SPIN3: variants seen among roughly 807,000 people sequenced by gnomAD.
SPIN3 encodes spindlin family member 3.
For missense variants in SPIN3, 176 were observed against 196.4 expected (o/e 0.90, Z 0.62); for synonymous variants, 74 against 74.3 (o/e 1.00, Z 0.02).
intron 3 of SPIN3, chrX:56,980,084 C>A (rs985632360): frequency 9.0e-6 from 1 of 111,705 alleles, no homozygotes; most frequent in Non-Finnish European, 1.9e-5. Flanking sequence ...TCTGGTTCCA[C>A]CTGACAGACC....
chrX:56,985,205 C>T (rs980251718), intron 2 of SPIN3, among the ~76,000 whole-genome samples: 1 of 112,228 alleles, frequency 8.9e-6, no homozygotes, highest in African/African-American at 3.2e-5. Flanking sequence ...CTTTATAGCC[C>T]GTCCTTAAAA....
In SPIN3 at chrX:56,994,655, A is replaced by C; in HGVS notation, c.293T>G (p.Leu98Arg). The C allele has an allele frequency of 1.7e-6, 2 of 1,212,013 alleles. No individual in the cohort carries two copies. Among genetic ancestry groups the C allele is most frequent in the Non-Finnish European group, 2.2e-6 (2 of 895,587 alleles). The change falls in exon 2 of 2, where the codon CTT (leucine) becomes CGT (arginine). Residue 98 changes from leucine to arginine, a missense_variant. By Grantham distance (102) the Leu-to-Arg change is moderately radical. Coordinates refer to ENST00000374919, the MANE Select transcript of SPIN3 (RefSeq NM_001010862.3). ...DGFDCVYGLE[L>R]HRDERVSSLE... The stretch of plus-strand genomic sequence containing the variant: ...TGATGACACTCTTTCATCTCTGTGA[A>C]GTTCCAATCCATAAACACAGTCAAA...
chrX:56,990,509 AT>A (rs1276114853), downstream of SPIN3, among the ~76,000 whole-genome samples: 7 of 111,913 alleles, frequency 6.3e-5, no homozygotes, highest in East Asian at 2.8e-4. Flanking sequence ...ACAGAAAAAA[AT>A]AATTGTTCAT....
exon 5 of SPIN3, chrX:56,978,392 A>G (rs1244643499): frequency 1.8e-5 from 2 of 111,932 alleles, no homozygotes; most frequent in African/African-American, 6.5e-5. Flanking sequence ...AGATGCTATA[A>G]ACACTTCCAG....
chrX:56,993,909 A>T lies in SPIN3; in HGVS notation c.*262T>A, dbSNP rs978823766. 3 of 281,803 alleles carry T rather than the reference A, an allele frequency of 1.1e-5. No individual in the cohort carries two copies. Among genetic ancestry groups the T allele is most frequent in the Non-Finnish European group, 1.8e-5 (3 of 162,853 alleles). 23.2% of individuals were successfully genotyped at this position (281,803 alleles called of 1,213,427 possible). On this transcript the variant is annotated 3_prime_UTR_variant, in exon 2 of 2. Transcript: ENST00000374919. ...TTAATCTATTAACACCACCCAAGAT[A>T]AAAAAAAGTATGAGCCAATGGATGT...
At chrX:56,985,517 T>C (rs1924205814) in intron 2 of SPIN3, among the ~76,000 whole-genome samples, 1 of 112,503 alleles carries the variant, frequency 8.9e-6, no homozygotes, top group African/African-American at 3.2e-5. Context: ...GTGGGTGTGG[T>C]TGACACTGTA....
intron 2 of SPIN3, among the ~76,000 whole-genome samples, chrX:56,985,226 A>G (rs1924198913): frequency 2.7e-5 from 3 of 111,911 alleles, no homozygotes; most frequent in Non-Finnish European, 5.6e-5. Context: ...CAGCAGAGAG[A>G]TTTTTTTAGA....
At chrX:56,986,697 A>G (rs757830963), downstream of SPIN3, among the ~76,000 whole-genome samples, 1 of 112,644 alleles carries the variant, frequency 8.9e-6, no homozygotes, top group African/African-American at 3.2e-5. Flanking sequence ...AGGTATACAC[A>G]TTCATTACAT....
Position 56,992,264 on chromosome X carries a change from TA to T in SPIN3, c.*1906del. The stretch of plus-strand genomic sequence containing the variant: ...TAACCCCACAATTGCATGTCATACA[TA>T]TTAAAGAGTCCAAAGGGTCAAGAAG... On this transcript the variant is annotated 3_prime_UTR_variant, in exon 2 of 2. Transcript: ENST00000374919. 3.4e-6 allele frequency: 1 copy of T among 297,018 alleles called. No homozygotes were observed. Among genetic ancestry groups the T allele is most frequent in the Non-Finnish European group, 5.9e-6 (1 of 170,264 alleles). The allele number at this position is 297,018 out of a possible 1,213,427, so 24.5% of individuals were successfully genotyped here.
Position 56,993,784 on chromosome X carries a change from T to G in SPIN3, c.*387A>C, listed in dbSNP as rs1924409711. 8.3e-6 allele frequency: 1 copy of G among 121,120 alleles called. No individual in the cohort carries two copies. Among genetic ancestry groups the G allele is most frequent in the Non-Finnish European group, 1.7e-5 (1 of 60,153 alleles). 10.0% of individuals were successfully genotyped at this position (121,120 alleles called of 1,213,427 possible). On this transcript the variant is annotated 3_prime_UTR_variant, in exon 2 of 2. Coordinates refer to ENST00000374919, the MANE Select transcript of SPIN3 (RefSeq NM_001010862.3). ...GGAGATTTGAGATTGCAAAGACACT[T>G]ACCCAGCCAGTCACATGGGATATCT...
chrX:56,978,970 T>C (rs1324513296), intron 3 of SPIN3: 2 of 111,351 alleles, frequency 1.8e-5, no homozygotes, highest in Non-Finnish European at 3.8e-5. Context: ...TTTTAAAGCA[T>C]GCATCTGATC....
intron 3 of SPIN3, chrX:56,983,057 A>G (rs1924152053): frequency 8.9e-6 from 1 of 112,265 alleles, no homozygotes; most frequent in Admixed American, 9.5e-5. Flanking sequence ...GGTGGTCTTC[A>G]TTCCAGGCAA....
At chrX:56,990,155 T>C (rs183177988), downstream of SPIN3, among the ~76,000 whole-genome samples, 2 of 111,226 alleles carry the variant, frequency 1.8e-5, no homozygotes, top group African/African-American at 3.3e-5. Flanking sequence ...GAATACATCA[T>C]AGGACACAGG....
chrX:56,995,180 G>C (rs1924464163), intron 1 of SPIN3, 36 bp downstream of exon 1: 3 of 361,696 alleles, frequency 8.3e-6, no homozygotes, highest in Admixed American at 1.0e-4. Flanking sequence ...AATACGAAGC[G>C]TTTCCCCATT....
At chrX:56,980,952 C>G (rs1299063253) in intron 3 of SPIN3, among the ~76,000 whole-genome samples, 1 of 109,576 alleles carries the variant, frequency 9.1e-6, no homozygotes, top group African/African-American at 3.3e-5. Context: ...TAAAAAGAAA[C>G]ATATTAGTTA....
At chrX:56,995,016 G>T in intron 1 of SPIN3, 67 bp from the exon 2 acceptor site, 1 of 1,055,499 alleles carries the variant, frequency 9.5e-7, no homozygotes, top group Non-Finnish European at 1.2e-6. Context: ...TGCATAACAC[G>T]GAGAGCTTTT....
rs956490854 is a variant in SPIN3, at chrX:56,992,820, T to G, written c.*1351A>C. 1 of 239,302 alleles carries G rather than the reference T, an allele frequency of 4.2e-6. No individual in the cohort carries two copies. The highest frequency in any genetic ancestry group is 2.8e-5 in the African/African-American group (1 of 35,108). 19.7% of individuals were successfully genotyped at this position (239,302 alleles called of 1,213,427 possible). On this transcript the variant is annotated 3_prime_UTR_variant, in exon 2 of 2. Transcript: ENST00000374919. ...ACCTCCGCCAATGGCTCTTTAATAA[T>G]GGAAAGCTCAAAGGCCCTTCCATTG...
chrX:56,987,483 GTTC>G (rs1487886776), downstream of SPIN3, among the ~76,000 whole-genome samples: 1 of 110,936 alleles, frequency 9.0e-6, no homozygotes, highest in African/African-American at 3.3e-5. Context: ...CTGCTTTTTT[GTTC>G]TTCATACAAC....
rs938805615 is a variant in SPIN3, at chrX:56,992,631, C to T, written c.*1540G>A. The T allele has an allele frequency of 3.7e-5, 11 of 294,219 alleles. No individual in the cohort carries two copies. Among genetic ancestry groups the T allele is most frequent in the Non-Finnish European group, 5.9e-5 (10 of 169,203 alleles). The allele number at this position is 294,219 out of a possible 1,213,427, so 24.2% of individuals were successfully genotyped here. ...GTACAGTCCCAATATGATTGTACTG[C>T]CTTGAGTCCCAGCCCCAAATGTGCA... On this transcript the variant is annotated 3_prime_UTR_variant, in exon 2 of 2. Coordinates refer to ENST00000374919, the MANE Select transcript of SPIN3 (RefSeq NM_001010862.3).
Sources: gnomAD v4.1 joint callset for allele counts (sites outside exome capture counted in the v4.1 genomes callset) on GRCh38, gnomAD v4.1.1 for gene constraint, MANE v1.5 for transcripts, NCBI Gene and HGNC (gene_info 2026-07-23, HGNC 2026-07-21) for gene names.